The following DYNC1I1 variants were observed in gnomAD, a reference collection of about 807,000 sequenced individuals.
DYNC1I1 encodes cytoplasmic dynein 1 intermediate chain 1.
In DYNC1I1, 43 loss-of-function variants were observed where a neutral mutation model predicts 86.6. The observed-to-expected ratio is 0.50, with a 90% CI of 0.39 to 0.64. The LOEUF is 0.64. Ranked by LOEUF, DYNC1I1 falls within the 30% of genes least tolerant of loss-of-function variation. The probability of loss-of-function intolerance (pLI) is 0.00; values close to 1 mark genes in which losing one functional copy is unlikely to be tolerated. For synonymous variants in DYNC1I1, 262 were observed against 283.7 expected (o/e 0.92, Z 0.77); for missense variants, 604 against 788.8 (o/e 0.77, Z 2.81).
intron 15 of DYNC1I1, among the ~76,000 whole-genome samples, chr7:96,076,431 C>G (rs1489794822): frequency 6.6e-6 from 1 of 152,230 alleles, no homozygotes; most frequent in African/African-American, 2.4e-5. Context: ...CAATTAACGA[C>G]CCTTTTTTGC....
intron 8 of DYNC1I1, among the ~76,000 whole-genome samples, chr7:95,985,862 C>A (rs1417798148): frequency 6.6e-6 from 1 of 152,142 alleles, no homozygotes; most frequent in Non-Finnish European, 1.5e-5. Flanking sequence ...CAGTAGGCAG[C>A]ATCTTTAGAC....
intron 6 of DYNC1I1, among the ~76,000 whole-genome samples, chr7:95,902,144 GTCTTTTTCCTTTCCCAAAAAATAA>G (rs1388733491): frequency 6.6e-6 from 1 of 152,178 alleles, no homozygotes; most frequent in African/African-American, 2.4e-5. Flanking sequence ...TCAAGAGGCT[GTCTTTTTCCTTTCCCAAAAAATAA>G]TTGTTTTTGG....
chr7:95,861,358 T>G (rs961388898), intron 5 of DYNC1I1, among the ~76,000 whole-genome samples: 1 of 152,216 alleles, frequency 6.6e-6, no homozygotes, highest in African/African-American at 2.4e-5. Context: ...TGGTACACGT[T>G]CTTGCATTCT....
intron 6 of DYNC1I1, among the ~76,000 whole-genome samples, chr7:95,931,504 CACTTG>C (rs1263022209): frequency 1.9e-5 from 1 of 53,758 alleles, no homozygotes; most frequent in African/African-American, 8.8e-5. Flanking sequence ...GAGAAAATTC[CACTTG>C]ACTTATTTTC....
rs773523453 is a variant in DYNC1I1, at chr7:95,987,119, G to C, written c.807G>C (p.Lys269Asn). 6.2e-7 allele frequency: 1 copy of C among 1,613,826 alleles called. No individual in the cohort carries two copies. The highest frequency in any genetic ancestry group is 8.5e-7 in the Non-Finnish European group (1 of 1,179,898). ...NRQFYDEHWS[K>N]HRVVTCMDWS... ...AGTTCTATGATGAACATTGGTCCAA[G>C]CATCGAGTGGTCACTTGTATGGACT... is the stretch of plus-strand genomic sequence containing the variant. Residue 269 changes from lysine to asparagine, a missense_variant, in exon 9 of 17, where the codon AAG becomes AAC. Lys to Asn is a moderately conservative substitution (Grantham distance 94). Transcript: ENST00000447467.
At chr7:95,902,666 A>T (rs1791069656) in intron 6 of DYNC1I1, among the ~76,000 whole-genome samples, 1 of 152,146 alleles carries the variant, frequency 6.6e-6, no homozygotes, top group Non-Finnish European at 1.5e-5. Flanking sequence ...TTATAGTATT[A>T]TTTATACTGT....
At chr7:95,794,715 A>G (rs1422643196) in intron 1 of DYNC1I1, among the ~76,000 whole-genome samples, 1 of 152,208 alleles carries the variant, frequency 6.6e-6, no homozygotes, top group Non-Finnish European at 1.5e-5. Flanking sequence ...AAGTAGTACA[A>G]TTTGGGTAGC....
intron 6 of DYNC1I1, among the ~76,000 whole-genome samples, chr7:95,878,024 G>A (rs1375233534): frequency 1.3e-5 from 2 of 152,182 alleles, no homozygotes; most frequent in African/African-American, 4.8e-5. Flanking sequence ...GGGGAGAACA[G>A]ATTTCACCAA....
intron 6 of DYNC1I1, among the ~76,000 whole-genome samples, chr7:95,937,733 CA>C (rs552316513): frequency 2.7e-4 from 41 of 151,696 alleles, no homozygotes; most frequent in East Asian, 1.7e-3. Flanking sequence ...AATATTAAAA[CA>C]AAAAAATGCA....
At chr7:95,824,551 T>C (rs1795163637) in intron 4 of DYNC1I1, among the ~76,000 whole-genome samples, 1 of 152,218 alleles carries the variant, frequency 6.6e-6, no homozygotes, top group African/African-American at 2.4e-5. Flanking sequence ...ATACAATTAC[T>C]TGGTAAAATG....
At chr7:96,051,769 G>T (rs1050191878) in intron 14 of DYNC1I1, among the ~76,000 whole-genome samples, 2 of 152,064 alleles carry the variant, frequency 1.3e-5, no homozygotes, top group Non-Finnish European at 2.9e-5. Context: ...ATATAAGATG[G>T]CTGTCTTAGC....
chr7:95,910,405 A>G (rs904231793), intron 6 of DYNC1I1, among the ~76,000 whole-genome samples: 13 of 152,136 alleles, frequency 8.5e-5, no homozygotes, highest in African/African-American at 2.4e-4. Flanking sequence ...ATTTTCTGTT[A>G]TATTATCTGA....
chr7:95,977,629 T>C, intron 7 of DYNC1I1, 28 bp downstream of exon 7: 1 of 1,598,074 alleles, frequency 6.3e-7, no homozygotes, highest in East Asian at 2.2e-5. Context: ...AACTGAGTAA[T>C]CATTTTATTG....
intron 6 of DYNC1I1, among the ~76,000 whole-genome samples, chr7:95,933,765 C>T (rs1021890676): frequency 6.6e-6 from 1 of 152,066 alleles, no homozygotes. Flanking sequence ...GAATGAGACA[C>T]CTGCCTTTGA....
intron 16 of DYNC1I1, among the ~76,000 whole-genome samples, chr7:96,091,803 T>A (rs1790856493): frequency 6.6e-6 from 1 of 152,226 alleles, no homozygotes; most frequent in Non-Finnish European, 1.5e-5. Flanking sequence ...AAAAGTCATT[T>A]GATTTTTTTA....
intron 4 of DYNC1I1, among the ~76,000 whole-genome samples, chr7:95,822,975 G>A (rs896272373): frequency 7.2e-5 from 11 of 152,112 alleles, no homozygotes; most frequent in Non-Finnish European, 1.3e-4. Flanking sequence ...GGAAGCTGTC[G>A]TAGTTAAACA....
At chr7:96,065,143 A>G (rs979549666) in intron 14 of DYNC1I1, among the ~76,000 whole-genome samples, 6 of 152,098 alleles carry the variant, frequency 3.9e-5, no homozygotes, top group African/African-American at 1.4e-4. Flanking sequence ...TAATCTTCCA[A>G]CACTTCTCAG....
intron 1 of DYNC1I1, among the ~76,000 whole-genome samples, chr7:95,803,928 C>T (rs34415911): frequency 0.093 from 14,187 of 152,132 alleles, 709 homozygotes; most frequent in South Asian, 0.14. Context: ...CTACCAGCAT[C>T]GTCATCATGA....
At chr7:95,861,410 A>G (rs1046878697) in intron 5 of DYNC1I1, among the ~76,000 whole-genome samples, 1 of 152,224 alleles carries the variant, frequency 6.6e-6, no homozygotes, top group Non-Finnish European at 1.5e-5. Context: ...GAGTAGATAT[A>G]TCTTGCAGCT....
Sources: gnomAD v4.1 joint callset for allele counts (sites outside exome capture counted in the v4.1 genomes callset) on GRCh38, gnomAD v4.1.1 for gene constraint, MANE v1.5 for transcripts, NCBI Gene and HGNC (gene_info 2026-07-23, HGNC 2026-07-21) for gene names.